Variants in RNF216 observed in about 807,000 individuals in gnomAD.
RNF216 encodes the protein E3 ubiquitin-protein ligase RNF216.
RNF216 carries 72 observed loss-of-function variants against 110.8 expected under a neutral mutation model. That is an observed-to-expected ratio of 0.65 (90% CI 0.54 to 0.79). RNF216 has a LOEUF of 0.79. RNF216 is among the 30% of genes least tolerant of loss of function. The probability of loss-of-function intolerance (pLI) is 0.00; values close to 1 mark genes in which losing one functional copy is unlikely to be tolerated. For missense variants in RNF216, 1,342 were observed against 1,141.2 expected, an observed-to-expected ratio of 1.18 and a Z score of -2.54; for synonymous variants, 495 against 407.5, an observed-to-expected ratio of 1.21 and a Z score of -2.59.
At chr7:5,712,335 T>C (rs1792759027) in intron 12 of RNF216, among the ~76,000 whole-genome samples, 1 of 152,126 alleles carries the variant, frequency 6.6e-6, no homozygotes. Flanking sequence ...AGCTGGAATG[T>C]GGTGGTGCAC....
At chr7:5,728,637 A>G (rs1026567432) in intron 7 of RNF216, among the ~76,000 whole-genome samples, 3 of 152,138 alleles carry the variant, frequency 2.0e-5, no homozygotes, top group Non-Finnish European at 4.4e-5. Context: ...AGACCTTAGC[A>G]TGAGCCACAG....
intron 14 of RNF216, among the ~76,000 whole-genome samples, chr7:5,643,651 T>A (rs1361670496): frequency 6.6e-6 from 1 of 152,214 alleles, no homozygotes; most frequent in Non-Finnish European, 1.5e-5. Flanking sequence ...TGAAGATGCA[T>A]GTGTGTATGC....
chr7:5,637,688 C>T (rs769799311), intron 15 of RNF216, among the ~76,000 whole-genome samples: 1 of 152,138 alleles, frequency 6.6e-6, no homozygotes, highest in South Asian at 2.1e-4. Context: ...GGTGTGCACG[C>T]ACCACCACCC....
chr7:5,769,204 G>C (rs1261367797), intron 1 of RNF216, among the ~76,000 whole-genome samples: 14 of 149,104 alleles, frequency 9.4e-5, no homozygotes, highest in African/African-American at 3.0e-4. Context: ...TGCAGCCTCT[G>C]CCTCCTGTGT....
rs1424455738 is a variant in RNF216 at position 5,751,040 on chromosome 7, G to A, written c.201+1806C>T. Among the ~76,000 whole-genome samples the A allele has an allele frequency of 3.3e-5, 5 of 152,352 alleles. No homozygotes were observed. The South Asian group carries it at 6.2e-4, about 19-fold the overall frequency. ...TGGTTTTAGTTGGGGCCCTAGCCGA[G>A]GAGCAGCCTCCACCCAAACTCTGGG... On this transcript the variant is annotated intron_variant, in intron 3 of 16. Coordinates refer to ENST00000389902, the MANE Select transcript of RNF216 (RefSeq NM_207111.4).
At chr7:5,704,411 T>G in intron 13 of RNF216, among the ~76,000 whole-genome samples, 1 of 152,202 alleles carries the variant, frequency 6.6e-6, no homozygotes, top group Non-Finnish European at 1.5e-5. Flanking sequence ...GATTAGCGAC[T>G]GCTTTAGCCA....
intron 3 of RNF216, among the ~76,000 whole-genome samples, chr7:5,743,621 A>G (rs1210832535): frequency 6.6e-6 from 1 of 152,230 alleles, no homozygotes; most frequent in Non-Finnish European, 1.5e-5. Flanking sequence ...GACACAAACA[A>G]AATCATTTCT....
chr7:5,722,377 T>TTG (rs1554258290), intron 8 of RNF216, among the ~76,000 whole-genome samples: 47 of 150,182 alleles, frequency 3.1e-4, no homozygotes, highest in African/African-American at 1.1e-3. Context: ...ATGTTTTTTT[T>TTG]TTTGTTTGTT....
At chr7:5,645,627 T>G (rs1201549128) in intron 14 of RNF216, among the ~76,000 whole-genome samples, 1 of 152,104 alleles carries the variant, frequency 6.6e-6, no homozygotes, top group African/African-American at 2.4e-5. Context: ...AGTCTTGCTC[T>G]GTCCCCACGC....
chr7:5,696,993 C>T lies in RNF216; in HGVS notation c.2061+14768G>A, dbSNP rs919859368. ...CCCTCCATTACGCCAGCAACAGCTC[C>T]AGGGACGGGGGTAGGGGAAGTCTCC... On this transcript the variant is annotated intron_variant, in intron 13 of 16. Transcript: ENST00000389902. The surrounding 1 kb of genome is among the most constrained non-coding windows in gnomAD (Gnocchi z 5.4). Among the ~76,000 whole-genome samples the T allele has an allele frequency of 7.9e-5, 12 of 152,188 alleles. No homozygotes were observed. Among genetic ancestry groups the T allele is most frequent in the Non-Finnish European group, 1.3e-4 (9 of 68,040 alleles).
chr7:5,689,228 C>A (rs966313381), intron 13 of RNF216, among the ~76,000 whole-genome samples: 4 of 151,902 alleles, frequency 2.6e-5, no homozygotes, highest in Admixed American at 1.3e-4. Flanking sequence ...AAAGGGCAGG[C>A]CTGGCTCCAG....
chr7:5,770,906 C>G (rs897606834), intron 1 of RNF216, among the ~76,000 whole-genome samples: 2 of 151,818 alleles, frequency 1.3e-5, no homozygotes, highest in Non-Finnish European at 2.9e-5. Context: ...CTCCTGGGTT[C>G]AAGCGATTCT....
At position 5,721,167 on chromosome 7, in the gene RNF216, T is replaced by A. The variant is rs1227811998; in HGVS notation, c.1510A>T (p.Ile504Leu). The change falls in exon 9 of 17, where the codon ATA becomes TTA. Residue 504 changes from isoleucine to leucine, a missense_variant. Physicochemically the swap from Ile to Leu is conservative, Grantham distance 5 (BLOSUM62 2). Transcript: ENST00000389902. ...AAGAACATCCTCTTTTCTATTTTTA[T>A]GTCACCTAGAAGATATACGACAATG... The part of the protein sequence containing the change: ...YIDFKFEQGD[I>L]KIEKRMFFLE... The A allele has an allele frequency of 1.2e-6, 2 of 1,613,872 alleles. No individual in the cohort carries two copies. Among genetic ancestry groups the A allele is most frequent in the African/African-American group, 1.3e-5 (1 of 74,944 alleles).
intron 13 of RNF216, among the ~76,000 whole-genome samples, chr7:5,678,232 C>T (rs953195863): frequency 4.6e-5 from 7 of 152,332 alleles, no homozygotes; most frequent in African/African-American, 7.2e-5. Context: ...TAGCTCCTCA[C>T]CAGACCAATA....
chr7:5,698,803 C>T (rs1221891367), intron 13 of RNF216, among the ~76,000 whole-genome samples: 2 of 152,174 alleles, frequency 1.3e-5, no homozygotes, highest in Non-Finnish European at 2.9e-5. Flanking sequence ...ACACAGGAAA[C>T]CTTCCCTCCT....
At chr7:5,748,501 C>G (rs1337265842) in intron 3 of RNF216, among the ~76,000 whole-genome samples, 2 of 152,176 alleles carry the variant, frequency 1.3e-5, no homozygotes, top group African/African-American at 4.8e-5. Context: ...CTTGGCCTCC[C>G]AAAGTGCTGG....
chr7:5,724,739 G>A (rs1299862194), intron 8 of RNF216, among the ~76,000 whole-genome samples: 7 of 152,182 alleles, frequency 4.6e-5, no homozygotes, highest in African/African-American at 7.2e-5. Flanking sequence ...AGAAAGGGAT[G>A]ATCTCTAGAA....
chr7:5,662,579 A>G (rs1789216321), intron 13 of RNF216: 1 of 152,216 alleles, frequency 6.6e-6, no homozygotes, highest in Middle Eastern at 3.2e-3. Flanking sequence ...AAAGGAATGA[A>G]GACACTCTCA....
At chr7:5,763,664 G>A (rs1458803123) in intron 1 of RNF216, among the ~76,000 whole-genome samples, 1 of 152,152 alleles carries the variant, frequency 6.6e-6, no homozygotes, top group Non-Finnish European at 1.5e-5. Context: ...TTGAACCCCT[G>A]GGCTCAAGCA....
Sources: allele counts gnomAD v4.1 joint callset (sites outside exome capture counted in the v4.1 genomes callset), GRCh38; gene constraint gnomAD v4.1.1; non-coding constraint Gnocchi (gnomAD v3.1); transcripts MANE v1.5; gene names NCBI Gene and HGNC (gene_info 2026-07-23, HGNC 2026-07-21).